The following FAM78B variants were observed in gnomAD, a reference collection of about 807,000 sequenced individuals.
FAM78B encodes the protein protein FAM78B.
In FAM78B, 10 loss-of-function variants were observed where a neutral mutation model predicts 20.0. That is an observed-to-expected ratio of 0.50 (90% CI 0.31 to 0.85). The LOEUF (loss-of-function observed/expected upper bound fraction) is 0.85. Among genes scored for constraint, FAM78B ranks in the 40% least tolerant of loss-of-function variants. The pLI, the probability that FAM78B is intolerant of heterozygous loss-of-function variation, is 0.05. For synonymous variants in FAM78B, 135 were observed against 132.8 expected (o/e 1.02, Z -0.12); for missense variants, 283 against 345.0 (o/e 0.82, Z 1.42).
chr1:166,151,090 G>A (rs73046929), intron 1 of FAM78B, among the ~76,000 whole-genome samples: 346 of 152,296 alleles, frequency 2.3e-3, no homozygotes, highest in African/African-American at 7.8e-3. Context: ...GGTTATAGAG[G>A]ATGGCATCAG....
At chr1:166,090,638 C>T (rs1653030199) in intron 1 of FAM78B, among the ~76,000 whole-genome samples, 1 of 152,222 alleles carries the variant, frequency 6.6e-6, no homozygotes, top group Non-Finnish European at 1.5e-5. Flanking sequence ...ATGATTTCTT[C>T]ACCACCTGCC....
At chr1:166,128,321 G>C (rs899031896) in intron 1 of FAM78B, among the ~76,000 whole-genome samples, 3 of 152,168 alleles carry the variant, frequency 2.0e-5, no homozygotes, top group Non-Finnish European at 4.4e-5. Flanking sequence ...ATGGACTGGA[G>C]GAAGCCTGCA....
At chr1:166,118,108 G>A (rs1345239876) in intron 1 of FAM78B, among the ~76,000 whole-genome samples, 1 of 152,192 alleles carries the variant, frequency 6.6e-6, no homozygotes, top group Non-Finnish European at 1.5e-5. Context: ...GAATGAAGGA[G>A]CAGGCATAAC....
At chr1:166,142,656 T>C (rs2101790227) in intron 1 of FAM78B, among the ~76,000 whole-genome samples, 1 of 152,354 alleles carries the variant, frequency 6.6e-6, no homozygotes, top group Non-Finnish European at 1.5e-5. Context: ...TTCAACCAAA[T>C]TATAAGTTCC....
chr1:166,133,661 G>C (rs766262403), intron 1 of FAM78B, among the ~76,000 whole-genome samples: 4 of 151,738 alleles, frequency 2.6e-5, no homozygotes, highest in Non-Finnish European at 5.9e-5. Context: ...TTGGTGGTTA[G>C]AAATGTATTC....
intron 1 of FAM78B, among the ~76,000 whole-genome samples, chr1:166,096,871 G>A (rs10800185): frequency 0.6 from 91,877 of 152,072 alleles, 29,444 homozygotes; most frequent in Non-Finnish European, 0.73. Flanking sequence ...GTGGATGGCA[G>A]GCAAGACTAG....
At chr1:166,107,498 G>A (rs1653831929) in intron 1 of FAM78B, among the ~76,000 whole-genome samples, 1 of 151,976 alleles carries the variant, frequency 6.6e-6, no homozygotes, top group South Asian at 2.1e-4. Flanking sequence ...GATTGAAATG[G>A]TAATTTAAAA....
At chr1:166,100,461 G>T (rs1170222231) in intron 1 of FAM78B, among the ~76,000 whole-genome samples, 1 of 152,218 alleles carries the variant, frequency 6.6e-6, no homozygotes, top group African/African-American at 2.4e-5. Flanking sequence ...AGGGGTGACA[G>T]ATGGCACCTG....
chr1:166,080,051 T>C (rs1222114496), intron 1 of FAM78B, among the ~76,000 whole-genome samples: 1 of 152,214 alleles, frequency 6.6e-6, no homozygotes, highest in Admixed American at 6.5e-5. Context: ...TTTTCCATTA[T>C]GCAGTAGGGA....
chr1:166,067,144 T>C (rs1177684177), downstream of FAM78B, among the ~76,000 whole-genome samples: 1 of 152,144 alleles, frequency 6.6e-6, no homozygotes, highest in Non-Finnish European at 1.5e-5. Context: ...GATAATGTTT[T>C]GGTTGGAGAC....
intron 1 of FAM78B, among the ~76,000 whole-genome samples, chr1:166,139,629 C>G (rs10800195): frequency 0.91 from 139,188 of 152,232 alleles, 64,327 homozygotes; most frequent in Non-Finnish European, 0.99. Context: ...AACAAGACCA[C>G]ACGCATCTGG....
At chr1:166,151,789 A>C (rs1289958226) in intron 1 of FAM78B, among the ~76,000 whole-genome samples, 1 of 152,240 alleles carries the variant, frequency 6.6e-6, no homozygotes, top group African/African-American at 2.4e-5. Flanking sequence ...ACAGATCCCA[A>C]GGTTCAAGTT....
intron 1 of FAM78B, among the ~76,000 whole-genome samples, chr1:166,149,097 A>G (rs1655584502): frequency 6.6e-6 from 1 of 152,158 alleles, no homozygotes; most frequent in Non-Finnish European, 1.5e-5. Context: ...TAATGCCGCA[A>G]TAAACATACG....
chr1:166,105,919 C>T (rs370902365), intron 1 of FAM78B, among the ~76,000 whole-genome samples: 2 of 151,528 alleles, frequency 1.3e-5, no homozygotes, highest in African/African-American at 2.4e-5. Context: ...ATGTTTATTG[C>T]GGCACTATTC....
intron 1 of FAM78B, among the ~76,000 whole-genome samples, chr1:166,084,237 A>ACACACACTCTCTCT (rs771421402): frequency 2.4e-3 from 304 of 125,458 alleles, no homozygotes; most frequent in Admixed American, 4.9e-3. Context: ...ACACACACAC[A>ACACACACTCTCTCT]CTCTCTCTCT....
At chr1:166,122,254 C>G (rs1023491690) in intron 1 of FAM78B, among the ~76,000 whole-genome samples, 1 of 152,140 alleles carries the variant, frequency 6.6e-6, no homozygotes, top group Non-Finnish European at 1.5e-5. Flanking sequence ...GAAGGCTGCT[C>G]TGCCCAGGGC....
chr1:166,091,278 G>C (rs1328482514), intron 1 of FAM78B, among the ~76,000 whole-genome samples: 1 of 152,154 alleles, frequency 6.6e-6, no homozygotes, highest in East Asian at 1.9e-4. Flanking sequence ...TGGTGATATG[G>C]TTTGGCTGTG....
intron 1 of FAM78B, among the ~76,000 whole-genome samples, chr1:166,086,371 C>T (rs865939212): frequency 6.6e-6 from 1 of 152,162 alleles, no homozygotes; most frequent in African/African-American, 2.4e-5. Context: ...CAGGACTCTG[C>T]TGCTGGAGCA....
intron 1 of FAM78B, among the ~76,000 whole-genome samples, chr1:166,141,673 G>A (rs1655280973): frequency 6.6e-6 from 1 of 152,172 alleles, no homozygotes; most frequent in South Asian, 2.1e-4. Flanking sequence ...GGTGATGGGA[G>A]GTACGTATCT....
Sources: gnomAD v4.1 joint callset for allele counts (sites outside exome capture counted in the v4.1 genomes callset) on GRCh38, gnomAD v4.1.1 for gene constraint, MANE v1.5 for transcripts, NCBI Gene and HGNC (gene_info 2026-07-23, HGNC 2026-07-21) for gene names.